The following PTPRT variants were observed in gnomAD, a reference collection of about 807,000 sequenced individuals.
The protein encoded by PTPRT is protein tyrosine phosphatase receptor type T, also known as receptor-type tyrosine-protein phosphatase T.
PTPRT carries 56 observed loss-of-function variants against 176.8 expected under a neutral mutation model. The ratio of observed to expected loss-of-function variants is 0.32; its 90% CI spans 0.26 to 0.40. PTPRT has a LOEUF of 0.40. Among genes scored for constraint, PTPRT ranks in the 10% least tolerant of loss-of-function variants. PTPRT has a pLI of 1.00. For missense variants in PTPRT, 1,540 were observed against 1,908.2 expected (o/e 0.81, Z 3.60); for synonymous variants, 783 against 739.0 (o/e 1.06, Z -0.96).
downstream of PTPRT, among the ~76,000 whole-genome samples, chr20:42,068,325 G>A (rs1600581286): frequency 6.6e-6 from 1 of 152,196 alleles, no homozygotes; most frequent in African/African-American, 2.4e-5. Context: ...GGCCGTGGAT[G>A]ACATAAGCGG....
chr20:43,083,540 A>C, intron 1 of PTPRT, among the ~76,000 whole-genome samples: 1 of 150,862 alleles, frequency 6.6e-6, no homozygotes, highest in Non-Finnish European at 1.5e-5. Context: ...TTGTATTTTA[A>C]TAGGGACGGG....
intron 7 of PTPRT, among the ~76,000 whole-genome samples, chr20:42,639,147 A>T (rs2074678150): frequency 6.6e-6 from 1 of 152,174 alleles, no homozygotes; most frequent in Non-Finnish European, 1.5e-5. Context: ...GACCTCTTCT[A>T]CAAGGAGCCT....
intron 7 of PTPRT, among the ~76,000 whole-genome samples, chr20:42,601,064 T>A (rs573981365): frequency 4.6e-5 from 7 of 152,294 alleles, no homozygotes; most frequent in Admixed American, 6.5e-5. Context: ...TAGGTTGCTG[T>A]GCCTTGTCTC....
intron 6 of PTPRT, among the ~76,000 whole-genome samples, chr20:42,749,456 G>T (rs1222707397): frequency 1.3e-5 from 2 of 152,176 alleles, no homozygotes; most frequent in Non-Finnish European, 2.9e-5. Context: ...TGAATGCAGG[G>T]TCTACCATAC....
At chr20:42,262,593 T>G (rs553613616) in intron 13 of PTPRT, among the ~76,000 whole-genome samples, 2 of 152,204 alleles carry the variant, frequency 1.3e-5, no homozygotes, top group East Asian at 3.9e-4. Flanking sequence ...AGATGGTGAG[T>G]AGAGTGAGGT....
intron 1 of PTPRT, among the ~76,000 whole-genome samples, chr20:42,895,744 C>T (rs183048509): frequency 1.9e-4 from 29 of 152,286 alleles, no homozygotes; most frequent in African/African-American, 7.0e-4. Context: ...AAATAGTATT[C>T]TTCTTTTGAT....
At chr20:43,140,069 C>T (rs529884473) in intron 1 of PTPRT, among the ~76,000 whole-genome samples, 2 of 152,336 alleles carry the variant, frequency 1.3e-5, no homozygotes, top group African/African-American at 2.4e-5. Flanking sequence ...GCGTTTATTA[C>T]AATCAGTTTC....
intron 2 of PTPRT, among the ~76,000 whole-genome samples, chr20:42,883,716 A>C (rs1486331911): frequency 3.7e-5 from 5 of 135,684 alleles, no homozygotes; most frequent in African/African-American, 1.5e-4. Context: ...CCCCATACAC[A>C]CACACCCATA....
At chr20:42,463,471 A>T (rs564181213) in intron 8 of PTPRT, among the ~76,000 whole-genome samples, 75 of 152,280 alleles carry the variant, frequency 4.9e-4, no homozygotes, top group African/African-American at 1.7e-3. Flanking sequence ...GTTCATGTAA[A>T]TTCACTGTAA....
At chr20:42,562,039 C>T (rs886375229) in intron 7 of PTPRT, among the ~76,000 whole-genome samples, 1 of 141,332 alleles carries the variant, frequency 7.1e-6, no homozygotes, top group African/African-American at 2.8e-5. Flanking sequence ...CAGAGCCAGT[C>T]ACCTCACCTT....
chr20:43,043,293 G>T (rs908037742), intron 1 of PTPRT, among the ~76,000 whole-genome samples: 2 of 151,904 alleles, frequency 1.3e-5, no homozygotes, highest in East Asian at 1.9e-4. Context: ...TAATTGTACT[G>T]ATTAATTTCA....
chr20:43,083,349 T>C (rs199930968), intron 1 of PTPRT, among the ~76,000 whole-genome samples: 10,382 of 117,272 alleles, frequency 0.089, 1,606 homozygotes, highest in East Asian at 0.2. Flanking sequence ...TATATATATA[T>C]ATATATATAT....
At chr20:42,223,897 C>T (rs1446422494) in intron 15 of PTPRT, among the ~76,000 whole-genome samples, 1 of 152,108 alleles carries the variant, frequency 6.6e-6, no homozygotes, top group African/African-American at 2.4e-5. Flanking sequence ...TCTTTAGTCT[C>T]GAGGCTCAAT....
chr20:42,486,824 G>A (rs189190105), intron 7 of PTPRT, among the ~76,000 whole-genome samples: 25 of 152,214 alleles, frequency 1.6e-4, no homozygotes, highest in African/African-American at 5.3e-4. Flanking sequence ...CACCAGAGCC[G>A]AGCCAAGCCA....
intron 15 of PTPRT, among the ~76,000 whole-genome samples, chr20:42,201,480 A>T (rs1270791205): frequency 6.6e-6 from 1 of 152,130 alleles, no homozygotes; most frequent in Non-Finnish European, 1.5e-5. Flanking sequence ...AAATGAGGAC[A>T]ATTTGAGGAA....
intron 17 of PTPRT, among the ~76,000 whole-genome samples, chr20:42,151,586 T>C (rs1223689756): frequency 6.6e-6 from 1 of 152,242 alleles, no homozygotes. Flanking sequence ...TTTGCTATTA[T>C]AAATAGTGCT....
chr20:42,737,166 C>T (rs2076553449), intron 6 of PTPRT, among the ~76,000 whole-genome samples: 9 of 152,146 alleles, frequency 5.9e-5, no homozygotes, highest in Admixed American at 4.6e-4. Context: ...TGAAGTCCTA[C>T]TGGAAGAAGG....
chr20:42,339,646 TG>T (rs1568789252), intron 11 of PTPRT, among the ~76,000 whole-genome samples: 2 of 152,238 alleles, frequency 1.3e-5, no homozygotes, highest in African/African-American at 4.8e-5. Flanking sequence ...GTAGGTCACC[TG>T]GGAAATTGTT....
At chr20:42,195,950 C>A (rs1438245405) in intron 16 of PTPRT, among the ~76,000 whole-genome samples, 1 of 152,138 alleles carries the variant, frequency 6.6e-6, no homozygotes, top group African/African-American at 2.4e-5. Context: ...TGGGTGTTTT[C>A]ATCTTAAGGG....
Sources: gnomAD v4.1 joint callset for allele counts (sites outside exome capture counted in the v4.1 genomes callset) on GRCh38, gnomAD v4.1.1 for gene constraint, MANE v1.5 for transcripts, NCBI Gene and HGNC (gene_info 2026-07-23, HGNC 2026-07-21) for gene names.